The following MAGI2 variants were observed in gnomAD, a reference collection of about 807,000 sequenced individuals.
The protein encoded by MAGI2 is membrane-associated guanylate kinase, WW and PDZ domain-containing protein 2.
MAGI2 carries 35 observed loss-of-function variants against 133.3 expected under a neutral mutation model. That is an observed-to-expected ratio of 0.26 (90% CI 0.20 to 0.35). MAGI2 has a LOEUF of 0.35. MAGI2 is among the 10% of genes least tolerant of loss of function. The probability of loss-of-function intolerance (pLI) is 1.00; values close to 1 mark genes in which losing one functional copy is unlikely to be tolerated. For synonymous variants in MAGI2, 729 were observed against 710.6 expected, an observed-to-expected ratio of 1.03 and a Z score of -0.41; for missense variants, 1,636 against 1,863.4, an observed-to-expected ratio of 0.88 and a Z score of 2.25.
intron 3 of MAGI2, among the ~76,000 whole-genome samples, chr7:78,544,157 A>G (rs374639637): frequency 6.6e-6 from 1 of 152,238 alleles, no homozygotes; most frequent in South Asian, 2.1e-4. Context: ...CCCAAAGGTC[A>G]TTGGCTCCAA....
At chr7:78,933,910 G>A (rs1031494442) in intron 2 of MAGI2, among the ~76,000 whole-genome samples, 6 of 151,916 alleles carry the variant, frequency 3.9e-5, no homozygotes, top group African/African-American at 1.5e-4. Context: ...ACAAATCCCT[G>A]GTCCCTCAAC....
At chr7:78,078,747 A>G in intron 21 of MAGI2, 200 bp downstream of exon 21, 1 of 629,376 alleles carries the variant, frequency 1.6e-6, no homozygotes, top group Non-Finnish European at 2.7e-6. Context: ...AAGAGTTCAC[A>G]CACATTTATT....
rs372951625 is a variant in MAGI2 at position 79,110,888 on chromosome 7, G to C, written c.302-103682C>G. On this transcript the variant is annotated intron_variant, in intron 1 of 21. Coordinates refer to ENST00000354212, the MANE Select transcript of MAGI2 (RefSeq NM_012301.4). ...CATGATAATGAATGAGTTCTCACAAGATCTGGTTGCTTAAAAATGTGTGGT... is the reference window on the plus strand; with the variant it reads ...CATGATAATGAATGAGTTCTCACAACATCTGGTTGCTTAAAAATGTGTGGT... Among the ~76,000 whole-genome samples, 20 of 152,162 alleles carry C rather than the reference G, an allele frequency of 1.3e-4. No homozygotes were observed. In the South Asian group the frequency reaches 2.9e-3, roughly 22 times the overall value.
chr7:79,003,919 T>C (rs1297225912), intron 2 of MAGI2, among the ~76,000 whole-genome samples: 1 of 152,126 alleles, frequency 6.6e-6, no homozygotes, highest in Non-Finnish European at 1.5e-5. Context: ...TTACTCCAGT[T>C]AGAATGTCTA....
intron 1 of MAGI2, among the ~76,000 whole-genome samples, chr7:79,433,846 A>C (rs568512123): frequency 2.2e-4 from 34 of 152,306 alleles, no homozygotes; most frequent in Non-Finnish European, 4.7e-4. Flanking sequence ...CAAACACATC[A>C]AAATATCAAG....
At chr7:78,396,574 C>T (rs916529598) in intron 6 of MAGI2, among the ~76,000 whole-genome samples, 2 of 152,176 alleles carry the variant, frequency 1.3e-5, no homozygotes, top group African/African-American at 4.8e-5. Context: ...GCCTTTCCTT[C>T]CCTTTTTCCA....
chr7:78,459,051 GCATT>G (rs1278488082), intron 6 of MAGI2, among the ~76,000 whole-genome samples: 1 of 152,168 alleles, frequency 6.6e-6, no homozygotes, highest in Non-Finnish European at 1.5e-5. Flanking sequence ...TGATAAAAGA[GCATT>G]CAAAGTACAT....
At chr7:78,909,990 A>G (rs573816619) in intron 2 of MAGI2, among the ~76,000 whole-genome samples, 6 of 152,304 alleles carry the variant, frequency 3.9e-5, no homozygotes, top group African/African-American at 1.4e-4. Flanking sequence ...TTGCAGGGAC[A>G]TGGATGAAGC....
In MAGI2 at chr7:79,020,729, G is replaced by A. The variant is rs192401784; in HGVS notation, c.302-13523C>T. ...TGAAGTGAGCCGAGATTGCATCACT[G>A]CACTGCAACCTGGGTGACAGAGCAA... is the stretch of plus-strand genomic sequence containing the variant. On this transcript the variant is annotated intron_variant, in intron 1 of 21. Coordinates refer to ENST00000354212, the MANE Select transcript of MAGI2 (RefSeq NM_012301.4). Among the ~76,000 whole-genome samples, 312 of 148,268 alleles carry A rather than the reference G, an allele frequency of 2.1e-3. 1 individual carries two copies. The highest frequency in any genetic ancestry group is 7.4e-3 in the African/African-American group (297 of 40,194).
At chr7:79,303,846 C>T (rs1837563609) in intron 1 of MAGI2, among the ~76,000 whole-genome samples, 1 of 152,152 alleles carries the variant, frequency 6.6e-6, no homozygotes. Context: ...TCTTGCGTTT[C>T]ATCTAAAATA....
At chr7:78,686,088 G>A (rs1563352321) in intron 2 of MAGI2, among the ~76,000 whole-genome samples, 1 of 149,384 alleles carries the variant, frequency 6.7e-6, no homozygotes, top group Non-Finnish European at 1.5e-5. Context: ...TTCATTCTGA[G>A]AAGGTCATTA....
intron 13 of MAGI2, among the ~76,000 whole-genome samples, chr7:78,184,161 G>T (rs1051229364): frequency 1.3e-5 from 2 of 152,054 alleles, no homozygotes; most frequent in Non-Finnish European, 2.9e-5. Context: ...TGTGCTTTTT[G>T]TGACCAGTAA....
At chr7:79,388,705 A>C (rs1844378126) in intron 1 of MAGI2, among the ~76,000 whole-genome samples, 1 of 151,822 alleles carries the variant, frequency 6.6e-6, no homozygotes, top group African/African-American at 2.4e-5. Context: ...CATATTGTAC[A>C]TTCCACTCTT....
In MAGI2 at chr7:78,521,468, C is replaced by T. The variant is rs1372400211; in HGVS notation, c.716G>A (p.Arg239Lys). 1 of 1,614,014 alleles carries T rather than the reference C, an allele frequency of 6.2e-7. No homozygotes were observed. The highest frequency in any genetic ancestry group is 8.5e-7 in the Non-Finnish European group (1 of 1,179,938). The part of the protein sequence containing the change: ...IEPPEEEEEE[R>K]PVVNGNGVVV... ...TACTCCATTTCCATTGACCACAGGCCTCTCTTCCTCTTCCTCCTCAGGAGG... is the reference window on the plus strand; with the variant it reads ...TACTCCATTTCCATTGACCACAGGCTTCTCTTCCTCTTCCTCCTCAGGAGG... The change falls in exon 4 of 22, where the codon AGG becomes AAG. Residue 239 changes from arginine (R) to lysine (K), a missense_variant. Physicochemically the swap from Arg to Lys is conservative, Grantham distance 26. This residue lies in a region of MAGI2 where 165 missense variants were observed against 128.4 expected (regional missense o/e 1.28). Transcript: ENST00000354212.
chr7:78,760,482 C>T (rs555229328), intron 2 of MAGI2, among the ~76,000 whole-genome samples: 1 of 151,764 alleles, frequency 6.6e-6, no homozygotes, highest in South Asian at 2.1e-4. Context: ...CCTGCCTCAG[C>T]CTCCCGAGTA....
chr7:79,435,616 C>G (rs1351971683), intron 1 of MAGI2, among the ~76,000 whole-genome samples: 2 of 55,708 alleles, frequency 3.6e-5, no homozygotes, highest in Admixed American at 3.3e-4. Context: ...TGAGAAGGTA[C>G]CTATAAAAAG....
intron 11 of MAGI2, 65 bp from the exon 12 acceptor site, chr7:78,195,128 C>T (rs1828602672): frequency 7.3e-7 from 1 of 1,377,158 alleles, no homozygotes; most frequent in African/African-American, 1.5e-5. Context: ...CTCTTGTCAC[C>T]TTTAGGTTAA....
intron 20 of MAGI2, among the ~76,000 whole-genome samples, chr7:78,120,926 G>A (rs1390068900): frequency 1.4e-5 from 2 of 145,782 alleles, no homozygotes; most frequent in Non-Finnish European, 3.0e-5. Flanking sequence ...GCGTGAACCC[G>A]GGAGGCGGAG....
chr7:78,824,983 G>A (rs1477630278), intron 2 of MAGI2, among the ~76,000 whole-genome samples: 11 of 151,990 alleles, frequency 7.2e-5, no homozygotes, highest in Admixed American at 5.9e-4. Context: ...ACCAAACACC[G>A]TATGTTCTCA....
Sources: allele counts gnomAD v4.1 joint callset (sites outside exome capture counted in the v4.1 genomes callset), GRCh38; gene constraint gnomAD v4.1.1; regional missense constraint gnomAD v4.1.1; transcripts MANE v1.5; gene names NCBI Gene and HGNC (gene_info 2026-07-23, HGNC 2026-07-21).